KIAA0040: variants seen among roughly 807,000 people sequenced by gnomAD.
The protein encoded by KIAA0040 is KIAA0040.
KIAA0040 carries 10 observed loss-of-function variants against 7.2 expected under a neutral mutation model. The observed-to-expected ratio is 1.38, with a 90% CI of 0.85 to 2.34. KIAA0040 has a LOEUF of 2.34. KIAA0040 is among the 30% of genes most tolerant of loss of function. KIAA0040 has a pLI of 0.00. For missense variants in KIAA0040, 89 were observed against 108.2 expected (o/e 0.82, Z 0.79); for synonymous variants, 49 against 40.1 (o/e 1.22, Z -0.84).
At position 175,191,680 on chromosome 1, in the gene KIAA0040, T is replaced by C. The variant is rs180717979; in HGVS notation, c.-384+960A>G. Among the ~76,000 whole-genome samples the C allele has an allele frequency of 2.6e-4, 39 of 152,352 alleles. 1 individual carries two copies. Among genetic ancestry groups the C allele is most frequent in the African/African-American group, 9.1e-4 (38 of 41,572 alleles). On this transcript the variant is annotated intron_variant, in intron 1 of 3. Coordinates refer to ENST00000423313, the MANE Select transcript of KIAA0040 (RefSeq NM_014656.3). Reference sequence around the variant, plus strand: ...AGTCCTGCTCTTTGTAACTCAAGGCTCTCCCATTATCTAACAGAACTTCAG... The same window carrying C: ...AGTCCTGCTCTTTGTAACTCAAGGCCCTCCCATTATCTAACAGAACTTCAG...
Position 175,159,128 on chromosome 1 carries a change from C to T in KIAA0040, c.*1586G>A, listed in dbSNP as rs1676418600. On this transcript the variant is annotated 3_prime_UTR_variant, in exon 4 of 4. Transcript: ENST00000423313. ...CATATTTGTAAATAAACTTCTAGAG[C>T]ATAACTTGCTCCCAAGGAGTGAATT... 1 of 152,352 alleles carries T rather than the reference C, an allele frequency of 6.6e-6. No individual in the cohort carries two copies. Among genetic ancestry groups the T allele is most frequent in the Non-Finnish European group, 1.5e-5 (1 of 68,038 alleles). 9.4% of individuals were successfully genotyped at this position (152,352 alleles called of 1,614,324 possible). A position where few individuals can be genotyped will look rare whatever the true frequency, so the allele number is the denominator to read the frequency against.
At chr1:175,165,928 G>A (rs745913310) in intron 3 of KIAA0040, among the ~76,000 whole-genome samples, 3 of 152,176 alleles carry the variant, frequency 2.0e-5, no homozygotes, top group Non-Finnish European at 4.4e-5. Flanking sequence ...AATAATAAAT[G>A]TAAAGCTCTA....
chr1:175,165,553 A>T (rs1188775037), intron 3 of KIAA0040, among the ~76,000 whole-genome samples: 1 of 152,210 alleles, frequency 6.6e-6, no homozygotes, highest in East Asian at 1.9e-4. Context: ...AATCTCCCTA[A>T]TATGGTTGGT....
rs1193554807 is a variant in KIAA0040 at position 175,159,997 on chromosome 1, C to T, written c.*717G>A. 6.5e-6 allele frequency: 1 copy of T among 153,490 alleles called. No homozygotes were observed. Among genetic ancestry groups the T allele is most frequent in the African/African-American group, 2.4e-5 (1 of 41,456 alleles). The allele number at this position is 153,490 out of a possible 1,614,324, so 9.5% of individuals were successfully genotyped here. On this transcript the variant is annotated 3_prime_UTR_variant, in exon 4 of 4. Coordinates refer to ENST00000423313, the MANE Select transcript of KIAA0040 (RefSeq NM_014656.3). ...GAATTTTGAACCATCACACTTTAAA[C>T]ATCTTGGCACAGGTGAGGGGTCAGA...
At chr1:175,188,362 G>C (rs1011428510) in intron 1 of KIAA0040, among the ~76,000 whole-genome samples, 3 of 152,180 alleles carry the variant, frequency 2.0e-5, no homozygotes, top group Non-Finnish European at 2.9e-5. Context: ...TAGAAACCTG[G>C]CCTGGGCTCT....
chr1:175,174,552 CAT>C (rs1677106525), intron 2 of KIAA0040, among the ~76,000 whole-genome samples: 1 of 152,168 alleles, frequency 6.6e-6, no homozygotes, highest in Non-Finnish European at 1.5e-5. Flanking sequence ...ACAGACAAGA[CAT>C]GTGGAAGAAC....
chr1:175,158,879 C>T lies in KIAA0040; in HGVS notation c.*1835G>A, dbSNP rs529905668. The T allele has an allele frequency of 2.6e-5, 4 of 152,304 alleles. No homozygotes were observed. Among genetic ancestry groups the T allele is most frequent in the African/African-American group, 4.8e-5 (2 of 41,542 alleles). The allele number at this position is 152,304 out of a possible 1,614,324, so 9.4% of individuals were successfully genotyped here. On this transcript the variant is annotated 3_prime_UTR_variant, in exon 4 of 4. Transcript: ENST00000423313. ...GAAAACCCTGGTGCAAGGGTCACCA[C>T]TAAATGCCCACCCTCCACAGGCCTA...
rs189629883 is a variant in KIAA0040, at chr1:175,157,444, A to G, written c.*3270T>C. ...GAGGGCTGGGACATTTGTGTCACAG[A>G]AAGAGTCCCTGCATTGATCATTTCT... On this transcript the variant is annotated 3_prime_UTR_variant, in exon 4 of 4. Transcript: ENST00000423313. 22 of 152,364 alleles carry G rather than the reference A, an allele frequency of 1.4e-4. 1 individual carries two copies. In the East Asian group the frequency reaches 4.1e-3, roughly 28 times the overall value. 9.4% of individuals were successfully genotyped at this position (152,364 alleles called of 1,614,324 possible).
intron 2 of KIAA0040, among the ~76,000 whole-genome samples, chr1:175,170,139 C>A (rs13373754): frequency 0.57 from 86,479 of 152,062 alleles, 25,035 homozygotes; most frequent in East Asian, 0.86. Flanking sequence ...GCAGGACCTC[C>A]GGTAGCAGCA....
intron 2 of KIAA0040, among the ~76,000 whole-genome samples, chr1:175,176,135 T>C (rs1018262001): frequency 3.3e-5 from 5 of 152,250 alleles, no homozygotes; most frequent in Non-Finnish European, 5.9e-5. Flanking sequence ...GACATATTTC[T>C]TTTTGTTAGT....
intron 1 of KIAA0040, among the ~76,000 whole-genome samples, chr1:175,181,094 C>G (rs1677422794): frequency 6.6e-6 from 1 of 152,190 alleles, no homozygotes; most frequent in Non-Finnish European, 1.5e-5. Context: ...TGAAGTTATC[C>G]TCCTGCCTCA....
rs150648481 is a variant in KIAA0040 at position 175,161,091 on chromosome 1, C to G, written c.-78G>C. Reference sequence around the variant, plus strand: ...TGGGCTCAAAAGGATGCAACCTTGACCACTTGTAATTTATTCCTCTTCCAG... The same window carrying G: ...TGGGCTCAAAAGGATGCAACCTTGAGCACTTGTAATTTATTCCTCTTCCAG... On this transcript the variant is annotated 5_prime_UTR_variant, in exon 4 of 4. Transcript: ENST00000423313. The G allele has an allele frequency of 6.2e-3, 8,308 of 1,335,072 alleles. 51 individuals are homozygous for G. Among genetic ancestry groups the G allele is most frequent in the Non-Finnish European group, 7.6e-3 (7,501 of 988,478 alleles). The allele number at this position is 1,335,072 out of a possible 1,614,324, so 82.7% of individuals were successfully genotyped here.
chr1:175,168,421 G>C (rs1676857309), intron 2 of KIAA0040, among the ~76,000 whole-genome samples: 1 of 152,000 alleles, frequency 6.6e-6, no homozygotes, highest in Non-Finnish European at 1.5e-5. Context: ...TGCATAACTA[G>C]ATATTCAGTA....
Position 175,158,928 on chromosome 1 carries a change from G to A in KIAA0040, c.*1786C>T, listed in dbSNP as rs1676408342. On this transcript the variant is annotated 3_prime_UTR_variant, in exon 4 of 4. Coordinates refer to ENST00000423313, the MANE Select transcript of KIAA0040 (RefSeq NM_014656.3). ...TAAAGTACACCTGGAGGGCAGGTGA[G>A]TACCAAGCAGCCCAAGTGAGCAAAT... is the stretch of plus-strand genomic sequence containing the variant. 1 of 152,204 alleles carries A rather than the reference G, an allele frequency of 6.6e-6. No individual in the cohort carries two copies. Among genetic ancestry groups the A allele is most frequent in the Non-Finnish European group, 1.5e-5 (1 of 68,032 alleles). The allele number at this position is 152,204 out of a possible 1,614,324, so 9.4% of individuals were successfully genotyped here. A position where few individuals can be genotyped will look rare whatever the true frequency, so the allele number is the denominator to read the frequency against.
At position 175,158,913 on chromosome 1, in the gene KIAA0040, C is replaced by T. The variant is rs1359314002; in HGVS notation, c.*1801G>A. ...CACCCTCCACAGGCCTAAAGTACAC[C>T]TGGAGGGCAGGTGAGTACCAAGCAG... On this transcript the variant is annotated 3_prime_UTR_variant, in exon 4 of 4. Coordinates refer to ENST00000423313, the MANE Select transcript of KIAA0040 (RefSeq NM_014656.3). The T allele has an allele frequency of 1.3e-5, 2 of 152,212 alleles. No homozygotes were observed. Among genetic ancestry groups the T allele is most frequent in the East Asian group, 3.8e-4 (2 of 5,202 alleles). 9.4% of individuals were successfully genotyped at this position (152,212 alleles called of 1,614,324 possible).
In KIAA0040 at chr1:175,160,695, A is replaced by T; in HGVS notation, c.*19T>A. 1 of 1,529,182 alleles carries T rather than the reference A, an allele frequency of 6.5e-7. No homozygotes were observed. The highest frequency in any genetic ancestry group is 8.8e-7 in the Non-Finnish European group (1 of 1,138,630). The allele number at this position is 1,529,182 out of a possible 1,614,324, so 94.7% of individuals were successfully genotyped here. On this transcript the variant is annotated 3_prime_UTR_variant, in exon 4 of 4. Transcript: ENST00000423313. ...GGAGGCTTAGCCCCAGAAAGGAAAC[A>T]CCTCTGCTTCCTGCCTAACTAAACA...
chr1:175,179,317 C>T (rs1422996039), intron 1 of KIAA0040, among the ~76,000 whole-genome samples: 2 of 152,248 alleles, frequency 1.3e-5, no homozygotes, highest in Non-Finnish European at 2.9e-5. Flanking sequence ...TCAGTGGCCA[C>T]ATTCTTTTAC....
intron 2 of KIAA0040, among the ~76,000 whole-genome samples, chr1:175,167,878 A>AT (rs1676830009): frequency 1.3e-5 from 2 of 151,664 alleles, no homozygotes; most frequent in Admixed American, 1.3e-4. Flanking sequence ...TCTGGAATGT[A>AT]TATGTATATT....
intron 3 of KIAA0040, among the ~76,000 whole-genome samples, chr1:175,164,739 C>A (rs1273276014): frequency 4.6e-5 from 7 of 152,122 alleles, no homozygotes; most frequent in Non-Finnish European, 1.0e-4. Context: ...TCTAAGAATT[C>A]TTTTCTAGGC....
Sources: allele counts gnomAD v4.1 joint callset (sites outside exome capture counted in the v4.1 genomes callset), GRCh38; gene constraint gnomAD v4.1.1; transcripts MANE v1.5; gene names NCBI Gene and HGNC (gene_info 2026-07-23, HGNC 2026-07-21).